LRRTM4: variants seen among roughly 807,000 people sequenced by gnomAD.
LRRTM4 encodes the protein leucine-rich repeat transmembrane neuronal protein 4.
Under a neutral mutation model 47.6 loss-of-function variants are expected in LRRTM4, and 25 were observed. The ratio of observed to expected loss-of-function variants is 0.53; its 90% confidence interval spans 0.38 to 0.73. The LOEUF (loss-of-function observed/expected upper bound fraction) is 0.73, where lower values mean the gene tolerates loss of function less well. LRRTM4 is among the 30% of genes least tolerant of loss of function. The pLI is 0.00. For synonymous variants in LRRTM4, 311 were observed against 269.5 expected, an observed-to-expected ratio of 1.15 and a Z score of -1.51; for missense variants, 638 against 713.4, an observed-to-expected ratio of 0.89 and a Z score of 1.20.
intron 3 of LRRTM4, among the ~76,000 whole-genome samples, chr2:77,059,683 T>C (rs1679723442): frequency 6.6e-6 from 1 of 152,198 alleles, no homozygotes; most frequent in South Asian, 2.1e-4. Context: ...TCACATACAA[T>C]GACAGTACAA....
chr2:77,382,567 C>A (rs115342839), intron 3 of LRRTM4, among the ~76,000 whole-genome samples: 2,361 of 152,186 alleles, frequency 0.016, 15 homozygotes, highest in Non-Finnish European at 0.023. Context: ...GTTCTTTCCA[C>A]AAGTCTTGGC....
intron 3 of LRRTM4, among the ~76,000 whole-genome samples, chr2:77,018,368 C>G (rs956737439): frequency 6.9e-6 from 1 of 145,030 alleles, no homozygotes; most frequent in African/African-American, 2.6e-5. Flanking sequence ...CCTAAGGGTT[C>G]TTTTGTTTGC....
intron 3 of LRRTM4, among the ~76,000 whole-genome samples, chr2:76,785,004 C>CATATGGAAA (rs1279549983): frequency 6.6e-6 from 1 of 151,936 alleles, no homozygotes; most frequent in Non-Finnish European, 1.5e-5. Flanking sequence ...ATCCAAATTT[C>CATATGGAAA]ATATGGAAAA....
intron 3 of LRRTM4, among the ~76,000 whole-genome samples, chr2:76,759,446 C>G (rs1166110538): frequency 6.6e-6 from 1 of 152,084 alleles, no homozygotes; most frequent in Non-Finnish European, 1.5e-5. Flanking sequence ...CATGATCTGG[C>G]AGGATAAAAG....
chr2:77,229,667 C>T (rs899661204), intron 3 of LRRTM4, among the ~76,000 whole-genome samples: 5 of 152,094 alleles, frequency 3.3e-5, no homozygotes, highest in Non-Finnish European at 7.4e-5. Context: ...CCAGCTCCAC[C>T]GCTACCTCTG....
At chr2:76,892,201 G>C (rs1673276747) in intron 3 of LRRTM4, among the ~76,000 whole-genome samples, 1 of 151,170 alleles carries the variant, frequency 6.6e-6, no homozygotes. Flanking sequence ...TCTCAAAATA[G>C]AAATGGTTTA....
intron 3 of LRRTM4, among the ~76,000 whole-genome samples, chr2:77,278,554 A>G (rs989805311): frequency 1.3e-5 from 2 of 151,994 alleles, no homozygotes; most frequent in East Asian, 3.9e-4. Context: ...AAAAATTCCC[A>G]AAACTGATGT....
intron 3 of LRRTM4, among the ~76,000 whole-genome samples, chr2:76,887,464 A>C (rs1407807864): frequency 6.6e-6 from 1 of 150,952 alleles, no homozygotes; most frequent in Non-Finnish European, 1.5e-5. Context: ...GATTGACAAA[A>C]CTTGTAACAT....
At chr2:76,751,923 TCAG>T (rs1254853141) in intron 3 of LRRTM4, among the ~76,000 whole-genome samples, 1 of 152,184 alleles carries the variant, frequency 6.6e-6, no homozygotes, top group Non-Finnish European at 1.5e-5. Context: ...ACATAAAAAT[TCAG>T]CAAATTATTT....
intron 3 of LRRTM4, among the ~76,000 whole-genome samples, chr2:76,816,418 C>CT (rs1254797915): frequency 6.6e-6 from 1 of 151,832 alleles, no homozygotes; most frequent in African/African-American, 2.4e-5. Context: ...CTCAACGGAA[C>CT]TGAAAGTAGA....
intron 3 of LRRTM4, among the ~76,000 whole-genome samples, chr2:77,272,575 T>G (rs1055399867): frequency 6.6e-6 from 1 of 152,176 alleles, no homozygotes; most frequent in East Asian, 1.9e-4. Flanking sequence ...AGATAGAGAT[T>G]GCTATAGTTT....
At chr2:77,143,190 A>G (rs1672171383) in intron 3 of LRRTM4, among the ~76,000 whole-genome samples, 1 of 152,192 alleles carries the variant, frequency 6.6e-6, no homozygotes, top group Admixed American at 6.6e-5. Flanking sequence ...GACATCTTGA[A>G]GTTAGTATGC....
At chr2:77,336,220 A>G in intron 3 of LRRTM4, among the ~76,000 whole-genome samples, 1 of 146,864 alleles carries the variant, frequency 6.8e-6, no homozygotes, top group African/African-American at 2.5e-5. Context: ...AGGAAGGGAG[A>G]AAGGAAAGAA....
intron 3 of LRRTM4, among the ~76,000 whole-genome samples, chr2:76,841,579 A>C (rs72819235): frequency 6.6e-6 from 1 of 151,538 alleles, no homozygotes; most frequent in African/African-American, 2.4e-5. Flanking sequence ...TTTAAATGCA[A>C]TATAATTTCA....
intron 3 of LRRTM4, among the ~76,000 whole-genome samples, chr2:76,929,856 A>C (rs1047263042): frequency 3.9e-5 from 6 of 152,018 alleles, no homozygotes; most frequent in Non-Finnish European, 8.8e-5. Context: ...TTAGAATATA[A>C]ATATTTTTAA....
At chr2:76,904,156 G>A (rs1299197617) in intron 3 of LRRTM4, among the ~76,000 whole-genome samples, 1 of 152,182 alleles carries the variant, frequency 6.6e-6, no homozygotes, top group Non-Finnish European at 1.5e-5. Context: ...TTGAGACTCA[G>A]ACATAATTCT....
chr2:76,976,192 TTTGC>T lies in LRRTM4; in HGVS notation c.1552-227280_1552-227277del, dbSNP rs1238955498. ...GCAATGTTGTTACCAAACTTTTCCC[TTTGC>T]TTGCTTATCGTGTCATTAACCATTC... On this transcript the variant is annotated intron_variant, in intron 3 of 3. Coordinates refer to ENST00000409884, the MANE Select transcript of LRRTM4 (RefSeq NM_001134745.3). Among the ~76,000 whole-genome samples the T allele has an allele frequency of 5.3e-5, 8 of 151,850 alleles. 1 individual carries two copies. Among genetic ancestry groups the T allele is most frequent in the East Asian group, 3.9e-4 (2 of 5,148 alleles).
chr2:77,442,094 A>G (rs1219903593), intron 3 of LRRTM4, among the ~76,000 whole-genome samples: 1 of 152,166 alleles, frequency 6.6e-6, no homozygotes, highest in Admixed American at 6.5e-5. Context: ...GAACAGCAGA[A>G]TGTGGAAAGA....
At chr2:77,091,363 C>T (rs796142743) in intron 3 of LRRTM4, among the ~76,000 whole-genome samples, 1 of 119,232 alleles carries the variant, frequency 8.4e-6, no homozygotes, top group East Asian at 2.9e-4. Flanking sequence ...ACGCCAATAT[C>T]CCATCCCGAA....
Sources: allele counts gnomAD v4.1 joint callset (sites outside exome capture counted in the v4.1 genomes callset), GRCh38; gene constraint gnomAD v4.1.1; transcripts MANE v1.5; gene names NCBI Gene and HGNC (gene_info 2026-07-23, HGNC 2026-07-21).